Variants in ABCA12 observed in about 807,000 individuals in gnomAD.
The protein encoded by ABCA12 is glucosylceramide transporter ABCA12.
Under a neutral mutation model 293.5 loss-of-function variants are expected in ABCA12, and 156 were observed. The ratio of observed to expected loss-of-function variants is 0.53; its 90% CI spans 0.47 to 0.61. ABCA12 has a LOEUF of 0.61. ABCA12 is among the 20% of genes least tolerant of loss of function. The probability of loss-of-function intolerance (pLI) is 0.00; values close to 1 mark genes in which losing one functional copy is unlikely to be tolerated. For missense variants in ABCA12, 2,797 were observed against 3,090.2 expected, an observed-to-expected ratio of 0.91 and a Z score of 2.25; for synonymous variants, 1,063 against 1,108.0, an observed-to-expected ratio of 0.96 and a Z score of 0.81.
chr2:215,037,147 G>C, intron 7 of ABCA12, 82 bp from the exon 8 acceptor site: 1 of 1,026,452 alleles, frequency 9.7e-7, no homozygotes, highest in Non-Finnish European at 1.5e-6. Flanking sequence ...GGAGAAAATG[G>C]CTACAGTATA....
chr2:214,932,354 T>C lies in ABCA12; in HGVS notation c.*280A>G. On this transcript the variant is annotated 3_prime_UTR_variant, in exon 53 of 53. Transcript: ENST00000272895. ...AAAGTAATAAATTAAGATATTCATC[T>C]TGAGGTGGCTTCACCTTTGCATAAG... The C allele has an allele frequency of 2.6e-6, 1 of 377,724 alleles. No individual in the cohort carries two copies. Among genetic ancestry groups the C allele is most frequent in the African/African-American group, 2.1e-5 (1 of 48,372 alleles). The allele number at this position is 377,724 out of a possible 1,614,324, so 23.4% of individuals were successfully genotyped here. A position where few individuals can be genotyped will look rare whatever the true frequency, so the allele number is the denominator to read the frequency against.
chr2:214,982,102 GC>G, intron 30 of ABCA12, 84 bp downstream of exon 30: 1 of 1,422,570 alleles, frequency 7.0e-7, no homozygotes, highest in Non-Finnish European at 9.9e-7. Context: ...GTGAGCCACT[GC>G]ACCCAGCCTC....
In ABCA12 at chr2:215,000,978, C is replaced by T; in HGVS notation, c.2906G>A (p.Gly969Asp). The change falls in exon 22 of 53, where the codon GGC (glycine) becomes GAC (aspartate). Residue 969 changes from glycine to aspartate, a missense_variant. Physicochemically the swap from Gly to Asp is moderately conservative, Grantham distance 94. Transcript: ENST00000272895. The part of the protein sequence containing the change: ...KLPSNRSWHR[G>D]YDSGNVFLPP... ...AAGAAAGACATTTCCAGAGTCATAG[C>T]CTCTGTGCCAGCTTCTGTTAGAAGG... 6.2e-7 allele frequency: 1 copy of T among 1,614,008 alleles called. No homozygotes were observed. The highest frequency in any genetic ancestry group is 8.5e-7 in the Non-Finnish European group (1 of 1,179,934).
At chr2:215,025,530 A>G in intron 11 of ABCA12, 143 bp downstream of exon 11, 1 of 629,470 alleles carries the variant, frequency 1.6e-6, no homozygotes, top group Non-Finnish European at 2.7e-6. Context: ...TTAAAATAGC[A>G]TCATTATTTA....
At position 214,975,931 on chromosome 2, in the gene ABCA12, T is replaced by C; in HGVS notation, c.5235A>G (p.Lys1745=). The C allele has an allele frequency of 2.5e-6, 4 of 1,614,140 alleles. No homozygotes were observed. Among genetic ancestry groups the C allele is most frequent in the Non-Finnish European group, 3.4e-6 (4 of 1,179,990 alleles). The change falls in exon 34 of 53, where the codon AAA becomes AAG. Residue 1745 remains lysine (K), a synonymous_variant. Transcript: ENST00000272895. ...KRFHHTRRNW[K]GLIAQVILPI... ...GGAGGATAACCTGAGCAATGAGACC[T>C]TTCCAGTTCCTGCGGGTGTGGTGGA...
At chr2:214,959,714 A>C (rs1394059747) in intron 39 of ABCA12, among the ~76,000 whole-genome samples, 1 of 152,186 alleles carries the variant, frequency 6.6e-6, no homozygotes, top group Non-Finnish European at 1.5e-5. Context: ...AGCTGGCTTC[A>C]GAAAAGTGGT....
At chr2:215,051,612 G>C (rs1213375918) in intron 5 of ABCA12, among the ~76,000 whole-genome samples, 2 of 113,886 alleles carry the variant, frequency 1.8e-5, no homozygotes, top group African/African-American at 8.5e-5. Context: ...AAACGCTAGT[G>C]TGTGTGTGTG....
At chr2:214,995,600 A>G (rs1700015927) in intron 23 of ABCA12, among the ~76,000 whole-genome samples, 1 of 152,200 alleles carries the variant, frequency 6.6e-6, no homozygotes, top group South Asian at 2.1e-4. Context: ...ATCTTTAAAA[A>G]GGAGGAGTTT....
intron 1 of ABCA12, among the ~76,000 whole-genome samples, chr2:215,128,857 G>A (rs1702987587): frequency 6.6e-6 from 1 of 152,102 alleles, no homozygotes; most frequent in African/African-American, 2.4e-5. Context: ...GATTTTCTGG[G>A]GGTGTTGAAG....
chr2:214,992,516 C>CCT (rs1699938198), intron 23 of ABCA12, among the ~76,000 whole-genome samples: 1 of 53,776 alleles, frequency 1.9e-5, no homozygotes, highest in Non-Finnish European at 3.3e-5. Context: ...ACCTAGTATC[C>CCT]CCCCCCTTTT....
chr2:215,049,604 T>G lies in ABCA12; in HGVS notation c.693+22A>C, dbSNP rs762659558. On this transcript the variant is annotated intron_variant, in intron 6 of 52. Transcript: ENST00000272895. The stretch of plus-strand genomic sequence containing the variant: ...CTTTAATTCATGTTGAGTCACTTTG[T>G]GGATCAAAGATCTACACTCACCTGG... 24 of 1,583,544 alleles carry G rather than the reference T, an allele frequency of 1.5e-5. No homozygotes were observed. The Admixed American group carries it at 4.2e-4, about 28-fold the overall frequency.
intron 38 of ABCA12, among the ~76,000 whole-genome samples, chr2:214,967,372 G>A (rs1041026448): frequency 8.6e-5 from 13 of 151,994 alleles, no homozygotes; most frequent in Non-Finnish European, 1.9e-4. Flanking sequence ...ACATATACAC[G>A]CATGGTGTCC....
chr2:215,030,685 G>T (rs1280771514), intron 9 of ABCA12, among the ~76,000 whole-genome samples: 1 of 152,164 alleles, frequency 6.6e-6, no homozygotes, highest in Non-Finnish European at 1.5e-5. Context: ...GGTTGCTCTG[G>T]GAGAAGCACC....
intron 3 of ABCA12, among the ~76,000 whole-genome samples, chr2:215,057,891 C>A (rs1486727881): frequency 7.2e-5 from 11 of 151,968 alleles, no homozygotes; most frequent in Non-Finnish European, 1.3e-4. Flanking sequence ...CATCTTACAT[C>A]GTACCTACCA....
At chr2:214,944,929 T>C (rs1698534125) in intron 49 of ABCA12, 72 bp downstream of exon 49, 3 of 1,161,416 alleles carry the variant, frequency 2.6e-6, no homozygotes, top group African/African-American at 3.0e-5. Flanking sequence ...ATTTATGTTA[T>C]ACAGGATTAC....
chr2:215,014,483 G>A (rs973052172), intron 15 of ABCA12, among the ~76,000 whole-genome samples: 3 of 152,174 alleles, frequency 2.0e-5, no homozygotes, highest in Non-Finnish European at 4.4e-5. Context: ...AGGAATCATT[G>A]TGCAGATCAT....
intron 20 of ABCA12, among the ~76,000 whole-genome samples, chr2:215,003,364 A>T (rs1700183463): frequency 6.6e-6 from 1 of 152,114 alleles, no homozygotes; most frequent in Admixed American, 6.5e-5. Context: ...TTAAACGACC[A>T]TGTGAGGAGG....
At chr2:215,070,819 C>T (rs1316109892) in intron 2 of ABCA12, among the ~76,000 whole-genome samples, 3 of 151,870 alleles carry the variant, frequency 2.0e-5, no homozygotes, top group Non-Finnish European at 4.4e-5. Context: ...ATTTGTTTTC[C>T]TGAACTGCCA....
Position 214,948,082 on chromosome 2 carries a change from T to C in ABCA12, c.7104+514A>G, listed in dbSNP as rs148307792. On this transcript the variant is annotated intron_variant, in intron 47 of 52. Coordinates refer to ENST00000272895, the MANE Select transcript of ABCA12 (RefSeq NM_173076.3). Reference sequence around the variant, plus strand: ...GGCAAATAATGAAATCCTAGTTGAATTTAAACAACAGGTCCTCAGGATTTC... The same window carrying C: ...GGCAAATAATGAAATCCTAGTTGAACTTAAACAACAGGTCCTCAGGATTTC... The C allele has an allele frequency of 6.7e-3, 1,204 of 179,692 alleles. 24 individuals are homozygous for C. The highest frequency in any genetic ancestry group is 0.027 in the African/African-American group (1,125 of 41,812). 11.1% of individuals were successfully genotyped at this position (179,692 alleles called of 1,614,324 possible). A position where few individuals can be genotyped will look rare whatever the true frequency, so the allele number is the denominator to read the frequency against.
Sources: allele counts gnomAD v4.1 joint callset (sites outside exome capture counted in the v4.1 genomes callset), GRCh38; gene constraint gnomAD v4.1.1; transcripts MANE v1.5; gene names NCBI Gene and HGNC (gene_info 2026-07-23, HGNC 2026-07-21).